Variants in TRPC1 observed in about 807,000 individuals in gnomAD.
The protein encoded by TRPC1 is transient receptor potential cation channel subfamily C member 1.
TRPC1 carries 42 observed loss-of-function variants against 88.2 expected under a neutral mutation model. The observed-to-expected ratio is 0.48, with a 90% CI of 0.37 to 0.62. The LOEUF is 0.62. Ranked by LOEUF, TRPC1 falls within the 20% of genes least tolerant of loss-of-function variation. The pLI is 0.00. For synonymous variants in TRPC1, 288 were observed against 331.8 expected, an observed-to-expected ratio of 0.87 and a Z score of 1.43; for missense variants, 699 against 957.3, an observed-to-expected ratio of 0.73 and a Z score of 3.56.
intron 3 of TRPC1, among the ~76,000 whole-genome samples, chr3:142,747,485 C>T (rs1235172029): frequency 1.3e-5 from 2 of 152,120 alleles, no homozygotes; most frequent in African/African-American, 4.8e-5. Flanking sequence ...GAAGGAGCTC[C>T]AGCTCTAGAG....
intron 9 of TRPC1, among the ~76,000 whole-genome samples, chr3:142,793,405 C>A (rs1457957662): frequency 1.3e-5 from 2 of 152,000 alleles, no homozygotes; most frequent in Non-Finnish European, 2.9e-5. Flanking sequence ...AATACTTACA[C>A]TTTCGTTTAA....
intron 9 of TRPC1, chr3:142,793,822 A>C: frequency 1.0e-6 from 1 of 980,342 alleles, no homozygotes. Flanking sequence ...AAAAGGCATA[A>C]TTACCTTCTC....
At chr3:142,743,402 A>C in intron 2 of TRPC1, 83 bp from the exon 3 acceptor site, 1 of 1,113,754 alleles carries the variant, frequency 9.0e-7, no homozygotes, top group Non-Finnish European at 1.2e-6. Context: ...AATTTTTAAA[A>C]AGTTTTATTT....
intron 6 of TRPC1, 55 bp from the exon 7 acceptor site, chr3:142,784,645 GTATT>G: frequency 7.8e-7 from 1 of 1,274,898 alleles, no homozygotes; most frequent in Non-Finnish European, 1.1e-6. Flanking sequence ...CAACCAATCA[GTATT>G]TAAAGGTTTC....
chr3:142,777,412 A>C (rs751758505), intron 4 of TRPC1, among the ~76,000 whole-genome samples: 6 of 152,186 alleles, frequency 3.9e-5, no homozygotes, highest in Non-Finnish European at 8.8e-5. Flanking sequence ...ACAGTAAAAA[A>C]ATTTTCTAAA....
intron 9 of TRPC1, chr3:142,793,785 C>T: frequency 1.2e-6 from 1 of 867,610 alleles, no homozygotes; most frequent in Non-Finnish European, 1.4e-6. Context: ...TAGATTGTCT[C>T]ATATTTTTAA....
At chr3:142,801,106 A>G (rs547686414) in intron 9 of TRPC1, 1 of 151,998 alleles carries the variant, frequency 6.6e-6, no homozygotes, top group Non-Finnish European at 1.5e-5. Context: ...CTACATATAC[A>G]TACTGTTTTA....
chr3:142,726,855 AGTGTTCAT>A (rs1933694378), intron 1 of TRPC1, among the ~76,000 whole-genome samples: 1 of 152,192 alleles, frequency 6.6e-6, no homozygotes. Flanking sequence ...ATTGGGGTCG[AGTGTTCAT>A]GCTTTTCATA....
chr3:142,805,150 A>ACACG (rs1936756233), intron 12 of TRPC1, among the ~76,000 whole-genome samples: 2 of 151,580 alleles, frequency 1.3e-5, no homozygotes, highest in South Asian at 4.2e-4. Flanking sequence ...ACACACACAC[A>ACACG]CACACACACA....
intron 4 of TRPC1, among the ~76,000 whole-genome samples, chr3:142,771,220 A>T (rs769712677): frequency 6.6e-6 from 1 of 152,128 alleles, no homozygotes; most frequent in Non-Finnish European, 1.5e-5. Context: ...CAAATTCCAA[A>T]CTATATCATG....
At chr3:142,773,438 C>T (rs539051762) in intron 4 of TRPC1, among the ~76,000 whole-genome samples, 12 of 151,692 alleles carry the variant, frequency 7.9e-5, no homozygotes, top group African/African-American at 7.3e-5. Context: ...AGCATGATTG[C>T]GGAAGTAAAG....
At chr3:142,797,027 C>T (rs1367262581) in intron 9 of TRPC1, among the ~76,000 whole-genome samples, 2 of 151,856 alleles carry the variant, frequency 1.3e-5, no homozygotes, top group Non-Finnish European at 2.9e-5. Flanking sequence ...TTTTTTTCTT[C>T]CCCTTCGCAC....
Position 142,734,232 on chromosome 3 carries a change from G to A in TRPC1, c.173-2147G>A, listed in dbSNP as rs114152546. 1.2e-3 allele frequency among the ~76,000 whole-genome samples: 181 copies of A among 152,166 alleles called. 1 individual carries two copies. Among genetic ancestry groups the A allele is most frequent in the African/African-American group, 4.0e-3 (168 of 41,510 alleles). On this transcript the variant is annotated intron_variant, in intron 1 of 12. Coordinates refer to ENST00000476941, the MANE Select transcript of TRPC1 (RefSeq NM_001251845.2). ...TCAGATAATTAAACTGTCATACAGC[G>A]ACTACAAAATAATTATGTTTAAAAT... is the stretch of plus-strand genomic sequence containing the variant.
chr3:142,770,446 GT>G (rs1417739131), intron 4 of TRPC1, among the ~76,000 whole-genome samples: 1 of 152,096 alleles, frequency 6.6e-6, no homozygotes, highest in Non-Finnish European at 1.5e-5. Flanking sequence ...TTCTTAGAAG[GT>G]ATTCCTCTTT....
intron 4 of TRPC1, among the ~76,000 whole-genome samples, chr3:142,751,529 C>A (rs73230587): frequency 0.11 from 16,197 of 152,134 alleles, 1,032 homozygotes; most frequent in Non-Finnish European, 0.15. Context: ...AGTTGTCTAA[C>A]AACACATTTC....
At chr3:142,749,630 A>G (rs1328008435) in intron 4 of TRPC1, among the ~76,000 whole-genome samples, 1 of 152,212 alleles carries the variant, frequency 6.6e-6, no homozygotes, top group African/African-American at 2.4e-5. Context: ...AAAATTTTAC[A>G]AAGAACAAAG....
At chr3:142,762,461 G>A (rs1290204486) in intron 4 of TRPC1, among the ~76,000 whole-genome samples, 5 of 119,968 alleles carry the variant, frequency 4.2e-5, no homozygotes, top group African/African-American at 9.9e-5. Flanking sequence ...ACGGAGTCTC[G>A]CTTTGTCACC....
chr3:142,766,307 G>T (rs1187948255), intron 4 of TRPC1, among the ~76,000 whole-genome samples: 3 of 152,020 alleles, frequency 2.0e-5, no homozygotes, highest in Non-Finnish European at 4.4e-5. Context: ...ATCTGGGTGG[G>T]CACAATCTAA....
At chr3:142,734,090 A>G (rs564638543) in intron 1 of TRPC1, among the ~76,000 whole-genome samples, 8 of 152,368 alleles carry the variant, frequency 5.3e-5, no homozygotes, top group Non-Finnish European at 1.2e-4. Context: ...TGGAGACTTC[A>G]AAGAAGCTTG....
Sources: gnomAD v4.1 joint callset for allele counts (sites outside exome capture counted in the v4.1 genomes callset) on GRCh38, gnomAD v4.1.1 for gene constraint, MANE v1.5 for transcripts, NCBI Gene and HGNC (gene_info 2026-07-23, HGNC 2026-07-21) for gene names.